PCDHGB6: variants seen among roughly 807,000 people sequenced by gnomAD.
PCDHGB6 encodes the protein protocadherin gamma-B6.
PCDHGB6 carries 51 observed loss-of-function variants against 59.1 expected under a neutral mutation model. The observed-to-expected ratio is 0.86, with a 90% CI of 0.69 to 1.09. The LOEUF (loss-of-function observed/expected upper bound fraction) is 1.09. Among genes scored for constraint, PCDHGB6 ranks in the 50% least tolerant of loss-of-function variants. The pLI is 0.00. For synonymous variants in PCDHGB6, 466 were observed against 495.1 expected, an observed-to-expected ratio of 0.94 and a Z score of 0.78; for missense variants, 1,148 against 1,205.1, an observed-to-expected ratio of 0.95 and a Z score of 0.70.
Position 141,477,114 on chromosome 5 carries a change from G to C in PCDHGB6, c.2419-17693G>C. ...AAAGACAAGGGCGCCAATCCCGAAG[G>C]AGCACATTGCAAAGTGTTGGTGGAG... is the stretch of plus-strand genomic sequence containing the variant. On this transcript the variant is annotated intron_variant, in intron 1 of 3. Coordinates refer to ENST00000520790, the MANE Select transcript of PCDHGB6 (RefSeq NM_018926.3). This position sits in a 1 kb window ranked among gnomAD's most constrained non-coding sequence, Gnocchi z 4.9. 4.3e-6 allele frequency: 7 copies of C among 1,614,234 alleles called. No homozygotes were observed. Among genetic ancestry groups the C allele is most frequent in the Non-Finnish European group, 5.9e-6 (7 of 1,180,046 alleles).
Position 141,512,910 on chromosome 5 carries a change from T to C in PCDHGB6, c.*1737T>C, listed in dbSNP as rs2099884499. On this transcript the variant is annotated 3_prime_UTR_variant, in exon 4 of 4. Transcript: ENST00000520790. Reference sequence around the variant, plus strand: ...CTCTTCCTGTGTCTCACGCAAGTTTTATACTCTAATATTTATATGGCTTTT... The same window carrying C: ...CTCTTCCTGTGTCTCACGCAAGTTTCATACTCTAATATTTATATGGCTTTT... 1 of 152,274 alleles carries C rather than the reference T, an allele frequency of 6.6e-6. No homozygotes were observed. The highest frequency in any genetic ancestry group is 2.1e-4 in the South Asian group (1 of 4,836). 9.4% of individuals were successfully genotyped at this position (152,274 alleles called of 1,614,324 possible). A position where few individuals can be genotyped will look rare whatever the true frequency, so the allele number is the denominator to read the frequency against.
At position 141,512,630 on chromosome 5, in the gene PCDHGB6, G is replaced by C. The variant is rs1335322474; in HGVS notation, c.*1457G>C. On this transcript the variant is annotated 3_prime_UTR_variant, in exon 4 of 4. Transcript: ENST00000520790. ...GGGGCTGCCAGAGAACCCCAGACCT[G>C]CCCTTACAGTAGTGTAGCGCCCCCT... The C allele has an allele frequency of 6.5e-6, 1 of 152,888 alleles. No individual in the cohort carries two copies. Among genetic ancestry groups the C allele is most frequent in the Non-Finnish European group, 1.5e-5 (1 of 68,576 alleles). 9.5% of individuals were successfully genotyped at this position (152,888 alleles called of 1,614,324 possible).
At chr5:141,421,565 A>G (rs1373619696) in intron 1 of PCDHGB6, 1 of 1,613,952 alleles carries the variant, frequency 6.2e-7, no homozygotes, top group Admixed American at 1.7e-5. Context: ...CTCGTGGAAG[A>G]CACCTTGAAG....
chr5:141,421,665 C>G (rs1227312221), intron 1 of PCDHGB6: 4 of 1,613,854 alleles, frequency 2.5e-6, no homozygotes, highest in Non-Finnish European at 2.5e-6. Flanking sequence ...TCAGTGAGCA[C>G]GCAATTCCTG....
intron 1 of PCDHGB6, among the ~76,000 whole-genome samples, chr5:141,454,796 A>AT (rs61612330): frequency 0.026 from 2,045 of 77,400 alleles, 387 homozygotes; most frequent in East Asian, 0.04. Flanking sequence ...CATGGTTCTA[A>AT]TTTTTTTTTT....
chr5:141,414,649 AT>A (rs1410490912), intron 1 of PCDHGB6: 15 of 1,613,914 alleles, frequency 9.3e-6, no homozygotes, highest in Non-Finnish European at 1.3e-5. Context: ...TGCCCAGATT[AT>A]TTACTCCCTG....
At chr5:141,434,331 T>C (rs1271938024) in intron 1 of PCDHGB6, among the ~76,000 whole-genome samples, 3 of 152,186 alleles carry the variant, frequency 2.0e-5, no homozygotes, top group Non-Finnish European at 4.4e-5. Context: ...GCTTGTCTCT[T>C]TGTGTCGGGA....
rs1304936825 is a variant in PCDHGB6, at chr5:141,409,286, C to T, written c.1084C>T (p.Pro362Ser). 1 of 1,613,826 alleles carries T rather than the reference C, an allele frequency of 6.2e-7. No homozygotes were observed. The highest frequency in any genetic ancestry group is 1.3e-5 in the African/African-American group (1 of 74,894). ...TGATCAGATTTTGGAGAATTCACCT[C>T]CAGGAATGGTTGTTGCCCTCTTCAA... ...LSDQILENSP[P>S]GMVVALFKTR... The change falls in exon 1 of 4, where the codon CCA (proline) becomes TCA (serine). Residue 362 changes from proline to serine, a missense_variant. Transcript: ENST00000520790.
intron 1 of PCDHGB6, chr5:141,433,307 C>T (rs982853368): frequency 2.2e-6 from 2 of 913,640 alleles, no homozygotes; most frequent in Admixed American, 2.7e-5. Context: ...AATTATCCCA[C>T]CTTTGCCTCC....
chr5:141,463,975 C>T lies in PCDHGB6; in HGVS notation c.2419-30832C>T, dbSNP rs145316182. Among the ~76,000 whole-genome samples the T allele has an allele frequency of 1.3e-3, 204 of 151,992 alleles. 1 individual carries two copies. Among genetic ancestry groups the T allele is most frequent in the African/African-American group, 4.8e-3 (198 of 41,474 alleles). The stretch of plus-strand genomic sequence containing the variant: ...TTTTTAAAATAGCTTCATAAAACTC[C>T]ATTGTAAAAACCAGGTGCAGTGGCT... On this transcript the variant is annotated intron_variant, in intron 1 of 3. Transcript: ENST00000520790.
chr5:141,434,253 G>C (rs979768901), intron 1 of PCDHGB6, among the ~76,000 whole-genome samples: 9 of 152,198 alleles, frequency 5.9e-5, no homozygotes, highest in Non-Finnish European at 1.3e-4. Flanking sequence ...CTTGGGCATT[G>C]TGGGGGAGGT....
chr5:141,447,650 TC>T (rs1036312126), intron 1 of PCDHGB6, among the ~76,000 whole-genome samples: 1 of 151,988 alleles, frequency 6.6e-6, no homozygotes, highest in Non-Finnish European at 1.5e-5. Context: ...GGTAGAATTT[TC>T]CCCCCCAGGA....
At chr5:141,412,591 A>G (rs2095564760) in intron 1 of PCDHGB6, 1 of 152,214 alleles carries the variant, frequency 6.6e-6, no homozygotes, top group Non-Finnish European at 1.5e-5. Flanking sequence ...ATGAATGTAT[A>G]CTAAATAAAA....
Position 141,494,830 on chromosome 5 carries a change from G to C in PCDHGB6, c.2442G>C (p.Trp814Cys), listed in dbSNP as rs2099757104. Residue 814 changes from tryptophan (W) to cysteine (C), a missense_variant, in exon 2 of 4, where the codon TGG (tryptophan) becomes TGC (cysteine). Coordinates refer to ENST00000520790, the MANE Select transcript of PCDHGB6 (RefSeq NM_018926.3). ...AGCAAGCCCCGCCCAACACGGACTG[G>C]CGTTTCTCTCAGGCCCAGAGACCCG... The part of the protein sequence containing the change: ...LTSQAPPNTD[W>C]RFSQAQRPGT... 6.2e-7 allele frequency: 1 copy of C among 1,614,098 alleles called. No homozygotes were observed. The highest frequency in any genetic ancestry group is 2.2e-5 in the East Asian group (1 of 44,862).
At position 141,494,758 on chromosome 5, in the gene PCDHGB6, T is replaced by C. The variant is rs370692038; in HGVS notation, c.2419-49T>C. ...CCATCCCTAGGGGCTCGGGTGACAT[T>C]CTAACTTCTCACGGGTACTCAGCCC... On this transcript the variant is annotated intron_variant, in intron 1 of 3. Transcript: ENST00000520790. The C allele has an allele frequency of 1.3e-5, 21 of 1,613,682 alleles. No homozygotes were observed. The African/African-American group carries it at 2.7e-4, about 21-fold the overall frequency.
intron 1 of PCDHGB6, among the ~76,000 whole-genome samples, chr5:141,467,475 T>C (rs2099144764): frequency 6.6e-6 from 1 of 152,248 alleles, no homozygotes; most frequent in Non-Finnish European, 1.5e-5. Flanking sequence ...GCATGGTTTT[T>C]GGTTTCCACA....
chr5:141,494,441 C>T (rs1187169994), intron 1 of PCDHGB6, among the ~76,000 whole-genome samples: 2 of 152,154 alleles, frequency 1.3e-5, no homozygotes, highest in African/African-American at 4.8e-5. Context: ...TCCTTTGCCA[C>T]TTTAGGGGGC....
intron 2 of PCDHGB6, among the ~76,000 whole-genome samples, chr5:141,502,067 CCTTCACCTGGGG>C (rs1307097799): frequency 6.6e-6 from 1 of 152,172 alleles, no homozygotes; most frequent in Non-Finnish European, 1.5e-5. Flanking sequence ...CCATTAGCCC[CCTTCACCTGGGG>C]CTGAGAACAC....
chr5:141,423,226 G>A lies in PCDHGB6; in HGVS notation c.2418+12606G>A, dbSNP rs775936938. On this transcript the variant is annotated intron_variant, in intron 1 of 3. Coordinates refer to ENST00000520790, the MANE Select transcript of PCDHGB6 (RefSeq NM_018926.3). The stretch of plus-strand genomic sequence containing the variant: ...CGTCACGCTCACCGTGGCTGTGGCC[G>A]ACAGCATCCCCGAAGTCCTGGCGGA... The A allele has an allele frequency of 2.2e-5, 36 of 1,613,708 alleles. No homozygotes were observed. The highest frequency in any genetic ancestry group is 2.6e-5 in the Non-Finnish European group (31 of 1,180,034).
Sources: allele counts gnomAD v4.1 joint callset (sites outside exome capture counted in the v4.1 genomes callset), GRCh38; gene constraint gnomAD v4.1.1; non-coding constraint Gnocchi (gnomAD v3.1); transcripts MANE v1.5; gene names NCBI Gene and HGNC (gene_info 2026-07-23, HGNC 2026-07-21).